Variants in ZNF516 observed in about 807,000 individuals in gnomAD.
ZNF516 encodes zinc finger protein 516.
A neutral mutation model predicts 79.7 loss-of-function variants in ZNF516; 19 were observed. That is an observed-to-expected ratio of 0.24 (90% CI 0.17 to 0.35). ZNF516 has a LOEUF of 0.35. Among genes scored for constraint, ZNF516 ranks in the 10% least tolerant of loss-of-function variants. ZNF516 has a pLI of 1.00. For synonymous variants in ZNF516, 877 were observed against 739.5 expected (o/e 1.19, Z -3.02); for missense variants, 1,678 against 1,679.5 (o/e 1.00, Z 0.02).
At chr18:76,492,714 T>C in intron 1 of ZNF516, 7 of 985,206 alleles carry the variant, frequency 7.1e-6, no homozygotes, top group Non-Finnish European at 8.4e-6. Flanking sequence ...CCCCAGTTGC[T>C]GAGAAACAAT....
intron 1 of ZNF516, among the ~76,000 whole-genome samples, chr18:76,470,406 C>T (rs964913085): frequency 6.6e-6 from 1 of 152,162 alleles, no homozygotes; most frequent in Non-Finnish European, 1.5e-5. Context: ...TCTGCACTAA[C>T]TGCTTAAGAA....
At chr18:76,471,373 G>A (rs1765019270) in intron 1 of ZNF516, among the ~76,000 whole-genome samples, 1 of 152,180 alleles carries the variant, frequency 6.6e-6, no homozygotes. Context: ...GCAAGAGAGG[G>A]CAGCGACCCC....
chr18:76,453,277 A>C (rs1912528059), intron 2 of ZNF516, among the ~76,000 whole-genome samples: 1 of 152,172 alleles, frequency 6.6e-6, no homozygotes, highest in Non-Finnish European at 1.5e-5. Context: ...ATAGTTAATG[A>C]TCTTGTCAAC....
chr18:76,479,061 A>C (rs1221018632), intron 1 of ZNF516, among the ~76,000 whole-genome samples: 1 of 152,118 alleles, frequency 6.6e-6, no homozygotes, highest in Non-Finnish European at 1.5e-5. Flanking sequence ...TGTCCAAAAA[A>C]AAAAAAGATC....
intron 3 of ZNF516, among the ~76,000 whole-genome samples, chr18:76,383,167 G>A (rs1307759971): frequency 6.6e-6 from 1 of 152,160 alleles, no homozygotes; most frequent in Non-Finnish European, 1.5e-5. Flanking sequence ...CCAGGAGGGC[G>A]GGAGAGAAGC....
chr18:76,380,235 T>C lies in ZNF516; in HGVS notation c.1879A>G (p.Ser627Gly). Residue 627 changes from serine to glycine, a missense_variant, in exon 4 of 7, where the codon AGT becomes GGT. By Grantham distance (56) the Ser-to-Gly change is moderately conservative. Coordinates refer to ENST00000443185, the MANE Select transcript of ZNF516 (RefSeq NM_014643.4). Reference sequence around the variant, plus strand: ...GAGGCGTTATCTCCCATCTTGTGACTCTGGTCTCCACTGGAGAGCTCGGTC... The same window carrying C: ...GAGGCGTTATCTCCCATCTTGTGACCCTGGTCTCCACTGGAGAGCTCGGTC... ...TSTELSSGDQ[S>G]HKMGDNASER... The C allele has an allele frequency of 6.2e-7, 1 of 1,613,990 alleles. No homozygotes were observed. The highest frequency in any genetic ancestry group is 8.5e-7 in the Non-Finnish European group (1 of 1,179,882).
chr18:76,410,678 G>A (rs1599045593), intron 3 of ZNF516, among the ~76,000 whole-genome samples: 1 of 152,302 alleles, frequency 6.6e-6, no homozygotes, highest in South Asian at 2.1e-4. Flanking sequence ...TTTATTTTGG[G>A]AATCAAAGAA....
intron 3 of ZNF516, among the ~76,000 whole-genome samples, chr18:76,404,419 G>C (rs8086834): frequency 0.035 from 5,283 of 152,298 alleles, 237 homozygotes; most frequent in African/African-American, 0.096. Context: ...GGGGGTGAGT[G>C]AGCATGTGTG....
chr18:76,453,720 CT>C (rs1265655346), intron 2 of ZNF516, among the ~76,000 whole-genome samples: 1 of 152,120 alleles, frequency 6.6e-6, no homozygotes, highest in Non-Finnish European at 1.5e-5. Flanking sequence ...TAAAATTTTT[CT>C]TAGAAATGAT....
intron 3 of ZNF516, among the ~76,000 whole-genome samples, chr18:76,432,277 T>G (rs565791339): frequency 6.6e-6 from 1 of 152,204 alleles, no homozygotes; most frequent in Non-Finnish European, 1.5e-5. Context: ...GCTCACCCCA[T>G]AGGCCTCTGC....
At chr18:76,479,055 CA>C (rs35963834) in intron 1 of ZNF516, among the ~76,000 whole-genome samples, 10,117 of 139,984 alleles carry the variant, frequency 0.072, 404 homozygotes, top group Non-Finnish European at 0.1. Context: ...AGATTCTGTC[CA>C]AAAAAAAAAA....
chr18:76,428,421 A>G (rs1337024371), intron 3 of ZNF516, among the ~76,000 whole-genome samples: 1 of 151,650 alleles, frequency 6.6e-6, no homozygotes, highest in Non-Finnish European at 1.5e-5. Flanking sequence ...AAAGAAATCC[A>G]TCATGAAATC....
At chr18:76,480,952 G>A (rs73975320) in intron 1 of ZNF516, among the ~76,000 whole-genome samples, 4,553 of 152,272 alleles carry the variant, frequency 0.03, 221 homozygotes, top group African/African-American at 0.1. Context: ...AGGCTGCCTC[G>A]GGCTGCTCTC....
At chr18:76,395,181 C>G (rs1568255994) in intron 3 of ZNF516, among the ~76,000 whole-genome samples, 1 of 152,190 alleles carries the variant, frequency 6.6e-6, no homozygotes, top group Non-Finnish European at 1.5e-5. Flanking sequence ...AATTTTGGCC[C>G]TAACCCAGCA....
chr18:76,380,707 A>G (rs1280009471), intron 3 of ZNF516, among the ~76,000 whole-genome samples: 1 of 152,186 alleles, frequency 6.6e-6, no homozygotes, highest in East Asian at 1.9e-4. Flanking sequence ...TGGAATCTTC[A>G]CAATCATTCA....
chr18:76,453,433 T>C (rs1212053613), intron 2 of ZNF516, among the ~76,000 whole-genome samples: 3 of 152,298 alleles, frequency 2.0e-5, no homozygotes, highest in Non-Finnish European at 4.4e-5. Flanking sequence ...ACAAAAGCCA[T>C]GGAAGCACTG....
chr18:76,494,239 C>T (rs377438971), intron 1 of ZNF516, among the ~76,000 whole-genome samples: 85 of 152,350 alleles, frequency 5.6e-4, no homozygotes, highest in African/African-American at 2.0e-3. Flanking sequence ...AATCTAAATA[C>T]TGATCGTAAC....
chr18:76,496,281 T>C (rs563286528), upstream of ZNF516: 7 of 1,288,684 alleles, frequency 5.4e-6, no homozygotes, highest in South Asian at 3.7e-5. Flanking sequence ...CCCACCAGGC[T>C]CCTGGCCGTA....
In ZNF516 at chr18:76,487,865, T is replaced by G. The variant is rs569803094; in HGVS notation, c.-272+7279A>C. On this transcript the variant is annotated intron_variant, in intron 1 of 6. Coordinates refer to ENST00000443185, the MANE Select transcript of ZNF516 (RefSeq NM_014643.4). ...TAGATACATTCCCGTAATAGGCTGC[T>G]GCCACTACACTTTCGGCCAGTCAGG... The G allele has an allele frequency of 3.0e-5, 27 of 901,388 alleles. No individual in the cohort carries two copies. The South Asian group carries it at 1.3e-3, about 42-fold the overall frequency. The allele number at this position is 901,388 out of a possible 1,614,324, so 55.8% of individuals were successfully genotyped here.
Sources: gnomAD v4.1 joint callset for allele counts (sites outside exome capture counted in the v4.1 genomes callset) on GRCh38, gnomAD v4.1.1 for gene constraint, MANE v1.5 for transcripts, NCBI Gene and HGNC (gene_info 2026-07-23, HGNC 2026-07-21) for gene names.